Variants in PLB1 observed in about 807,000 individuals in gnomAD.
PLB1 encodes the protein phospholipase B1, membrane-associated.
In PLB1, 242 loss-of-function variants were observed where a neutral mutation model predicts 227.4. The observed-to-expected ratio is 1.06, with a 90% CI of 0.96 to 1.18. The LOEUF (loss-of-function observed/expected upper bound fraction) is 1.18. Ranked by LOEUF, PLB1 falls within the 50% of genes most tolerant of loss-of-function variation. The pLI is 0.00. For missense variants in PLB1, 1,858 were observed against 1,816.3 expected (o/e 1.02, Z -0.42); for synonymous variants, 757 against 682.2 (o/e 1.11, Z -1.71).
At chr2:28,546,653 G>A (rs1263183340) in intron 14 of PLB1, among the ~76,000 whole-genome samples, 2 of 152,158 alleles carry the variant, frequency 1.3e-5, no homozygotes, top group Admixed American at 6.5e-5. Context: ...GGGGATTGGG[G>A]ATGCAGGAGA....
chr2:28,615,224 G>A (rs979600780), intron 44 of PLB1, among the ~76,000 whole-genome samples: 5 of 152,096 alleles, frequency 3.3e-5, no homozygotes, highest in African/African-American at 9.7e-5. Context: ...CAGAGTGGCT[G>A]GGGGCATGAG....
intron 4 of PLB1, among the ~76,000 whole-genome samples, chr2:28,524,745 G>C (rs888592256): frequency 2.6e-5 from 4 of 151,854 alleles, no homozygotes; most frequent in Admixed American, 2.6e-4. Context: ...ACCTTCCATC[G>C]CTCCAAGGTC....
chr2:28,635,764 GTCT>G (rs1689222289), intron 56 of PLB1, among the ~76,000 whole-genome samples: 1 of 152,176 alleles, frequency 6.6e-6, no homozygotes. Context: ...GCCTTCTTCT[GTCT>G]TCTTATCTGA....
At chr2:28,541,846 G>A (rs1222712047) in intron 13 of PLB1, 35 bp downstream of exon 13, 9 of 1,537,194 alleles carry the variant, frequency 5.9e-6, no homozygotes, top group South Asian at 1.1e-5. Flanking sequence ...CAAGAGTGTG[G>A]TGGGGGCCGG....
In PLB1 at chr2:28,617,737, G is replaced by T; in HGVS notation, c.3206G>T (p.Ser1069Ile). Residue 1069 changes from serine to isoleucine, a missense_variant, in exon 45 of 58, where the codon AGT (serine) becomes ATT (isoleucine). By Grantham distance (142) the Ser-to-Ile change is moderately radical (BLOSUM62 -2). Transcript: ENST00000327757. ...PIKPAIENWG[S>I]DFLCTEWKAS... The stretch of plus-strand genomic sequence containing the variant: ...CTCCTGTTGATTTAGAACTGGGGCA[G>T]TGACTTCCTGTGTACAGAGTGGAAG... 1 of 1,614,166 alleles carries T rather than the reference G, an allele frequency of 6.2e-7. No individual in the cohort carries two copies. Among genetic ancestry groups the T allele is most frequent in the South Asian group, 1.1e-5 (1 of 91,078 alleles).
At chr2:28,612,456 C>T (rs1215584595) in intron 43 of PLB1, among the ~76,000 whole-genome samples, 1 of 152,148 alleles carries the variant, frequency 6.6e-6, no homozygotes, top group Non-Finnish European at 1.5e-5. Flanking sequence ...GGAACCCGTC[C>T]CTTCCTCACT....
rs370104314 is a variant in PLB1 at position 28,598,781 on chromosome 2, G to C, written c.2474+21G>C. 5 of 1,589,826 alleles carry C rather than the reference G, an allele frequency of 3.1e-6. No individual in the cohort carries two copies. The African/African-American group carries it at 6.7e-5, about 21-fold the overall frequency. On this transcript the variant is annotated intron_variant, in intron 35 of 57. Coordinates refer to ENST00000327757, the MANE Select transcript of PLB1 (RefSeq NM_153021.5). ...GCTGAGTATGGCATTTGGGGAGGGA[G>C]GGAGCCTGCAGAGCAGGGAGTGGAA... is the stretch of plus-strand genomic sequence containing the variant.
intron 41 of PLB1, among the ~76,000 whole-genome samples, 192 bp from the exon 42 acceptor site, chr2:28,605,661 C>T (rs1055278569): frequency 1.3e-5 from 2 of 152,124 alleles, no homozygotes; most frequent in South Asian, 2.1e-4. Context: ...TGGGGGTTGG[C>T]GTCACCCAAA....
At chr2:28,604,081 T>C (rs1558893528) in intron 40 of PLB1, 34 bp downstream of exon 40, 2 of 1,549,868 alleles carry the variant, frequency 1.3e-6, no homozygotes, top group South Asian at 2.2e-5. Context: ...CTGTGTCCTC[T>C]CCCCTACGTT....
chr2:28,596,903 A>G lies in PLB1; in HGVS notation c.2322-1102A>G, dbSNP rs547162415. ...AGCATTCCTTGAATGAAGAACAACT[A>G]TGACTCATGGCCTGTCCCTTAGAAG... On this transcript the variant is annotated intron_variant, in intron 33 of 57. Transcript: ENST00000327757. Among the ~76,000 whole-genome samples, 3 of 152,346 alleles carry G rather than the reference A, an allele frequency of 2.0e-5. No individual in the cohort carries two copies. The East Asian group carries it at 5.8e-4, about 29-fold the overall frequency.
Position 28,518,543 on chromosome 2 carries a change from C to G in PLB1, c.184+11C>G, listed in dbSNP as rs761676730. 3.2e-5 allele frequency: 52 copies of G among 1,604,036 alleles called. No individual in the cohort carries two copies. In the Admixed American group the frequency reaches 8.5e-4, roughly 26 times the overall value. The stretch of plus-strand genomic sequence containing the variant: ...TGCCTTCTAAATCAGGTATGTAACC[C>G]TTGGCCATGAGCAGGAAAAGCCTGG... On this transcript the variant is annotated intron_variant, in intron 3 of 57. Coordinates refer to ENST00000327757, the MANE Select transcript of PLB1 (RefSeq NM_153021.5).
At chr2:28,551,621 T>C (rs1471806838) in intron 16 of PLB1, among the ~76,000 whole-genome samples, 2 of 152,128 alleles carry the variant, frequency 1.3e-5, no homozygotes, top group Non-Finnish European at 1.5e-5. Context: ...CACAGTGAGG[T>C]AAAGTAACCA....
intron 1 of PLB1, among the ~76,000 whole-genome samples, chr2:28,505,648 G>A (rs934316568): frequency 2.0e-5 from 3 of 152,178 alleles, no homozygotes; most frequent in African/African-American, 7.2e-5. Flanking sequence ...AACAAGCTAG[G>A]TAACATTTGT....
chr2:28,539,055 G>T, intron 10 of PLB1, 44 bp from the exon 11 acceptor site: 1 of 1,528,988 alleles, frequency 6.5e-7, no homozygotes, highest in Non-Finnish European at 9.1e-7. Context: ...GGCAGCCATG[G>T]CGACTTGGCA....
intron 14 of PLB1, among the ~76,000 whole-genome samples, chr2:28,548,231 G>A (rs1028477286): frequency 6.6e-6 from 1 of 152,156 alleles, no homozygotes; most frequent in Non-Finnish European, 1.5e-5. Flanking sequence ...TCTATTGTGC[G>A]CAGATTTACC....
rs1684597432 is a variant in PLB1 at position 28,605,844 on chromosome 2, C to G, written c.2962-9C>G. On this transcript the variant is annotated splice_polypyrimidine_tract_variant and intron_variant, in intron 41 of 57. Coordinates refer to ENST00000327757, the MANE Select transcript of PLB1 (RefSeq NM_153021.5). ...TAGGATCTTGAGGGGGTATATTGGT[C>G]TCTTTCAGGATGGGCTCCCAGATAC... 1.9e-6 allele frequency: 3 copies of G among 1,607,534 alleles called. No homozygotes were observed. The East Asian group carries it at 6.7e-5, about 36-fold the overall frequency.
chr2:28,552,820 G>A (rs1674457280), intron 16 of PLB1, 108 bp from the exon 17 acceptor site: 1 of 881,636 alleles, frequency 1.1e-6, no homozygotes, highest in Admixed American at 1.9e-5. Context: ...TGACATCAAA[G>A]TTTTACTTTA....
At chr2:28,548,250 G>T (rs954110923) in intron 14 of PLB1, among the ~76,000 whole-genome samples, 1 of 152,148 alleles carries the variant, frequency 6.6e-6, no homozygotes, top group African/African-American at 2.4e-5. Context: ...CCTACATTTG[G>T]GTTGTGGACA....
chr2:28,600,096 G>A (rs889619363), intron 35 of PLB1, among the ~76,000 whole-genome samples: 2 of 151,986 alleles, frequency 1.3e-5, no homozygotes, highest in African/African-American at 2.4e-5. Flanking sequence ...TTTTTGTAGA[G>A]ATGGGGTTTT....
Sources: gnomAD v4.1 joint callset for allele counts (sites outside exome capture counted in the v4.1 genomes callset) on GRCh38, gnomAD v4.1.1 for gene constraint, MANE v1.5 for transcripts, NCBI Gene and HGNC (gene_info 2026-07-23, HGNC 2026-07-21) for gene names.